Variants in ALK observed in about 807,000 individuals in gnomAD.
ALK encodes ALK receptor tyrosine kinase, also known as ALK tyrosine kinase receptor.
Under a neutral mutation model 163.1 loss-of-function variants are expected in ALK, and 74 were observed. The observed-to-expected ratio is 0.45, with a 90% confidence interval of 0.38 to 0.55. ALK has a LOEUF of 0.55. ALK is among the 20% of genes least tolerant of loss of function. ALK has a pLI of 0.00. For missense variants in ALK, 2,063 were observed against 2,105.3 expected, an observed-to-expected ratio of 0.98 and a Z score of 0.39; for synonymous variants, 960 against 843.2, an observed-to-expected ratio of 1.14 and a Z score of -2.40.
At chr2:29,556,398 T>G (rs1425750404) in intron 3 of ALK, among the ~76,000 whole-genome samples, 1 of 152,228 alleles carries the variant, frequency 6.6e-6, no homozygotes, top group Non-Finnish European at 1.5e-5. Context: ...AACTGTTCAC[T>G]CCTGTTATTA....
intron 3 of ALK, among the ~76,000 whole-genome samples, chr2:29,610,305 C>G (rs890365211): frequency 4.6e-5 from 7 of 152,084 alleles, no homozygotes; most frequent in African/African-American, 1.7e-4. Context: ...CAAATGATTC[C>G]CGGCTGCTTG....
intron 11 of ALK, among the ~76,000 whole-genome samples, chr2:29,262,022 G>T (rs1038283150): frequency 1.3e-5 from 2 of 152,190 alleles, no homozygotes; most frequent in African/African-American, 4.8e-5. Context: ...GAATGAACAG[G>T]GTTGAGAATG....
chr2:29,774,246 C>T (rs1163707255), intron 1 of ALK, among the ~76,000 whole-genome samples: 1 of 152,218 alleles, frequency 6.6e-6, no homozygotes, highest in Non-Finnish European at 1.5e-5. Context: ...ACATTTCTGA[C>T]TGACAGGAAC....
At position 29,674,343 on chromosome 2, in the gene ALK, C is replaced by T. The variant is rs919360293; in HGVS notation, c.952+20507G>A. On this transcript the variant is annotated intron_variant, in intron 3 of 28. Transcript: ENST00000389048. Reference sequence around the variant, plus strand: ...AGATAGCTCTTATTATTTTGAAATACGTCCCATCAATACCTAATTTATTGG... The same window carrying T: ...AGATAGCTCTTATTATTTTGAAATATGTCCCATCAATACCTAATTTATTGG... Among the ~76,000 whole-genome samples, 235 of 151,690 alleles carry T rather than the reference C, an allele frequency of 1.5e-3. 2 individuals are homozygous for T. The highest frequency in any genetic ancestry group is 4.2e-3 in the Admixed American group (64 of 15,234).
Position 29,791,477 on chromosome 2 carries a change from C to T in ALK, c.668-73780G>A, listed in dbSNP as rs146338269. The stretch of plus-strand genomic sequence containing the variant: ...GGGAACATCACACACCAGGGCCTGT[C>T]GAGGGGTGGTGGGTAGGGGAGAGAT... On this transcript the variant is annotated intron_variant, in intron 1 of 28. Transcript: ENST00000389048. Among the ~76,000 whole-genome samples the T allele has an allele frequency of 7.1e-3, 1,079 of 152,056 alleles. 12 individuals are homozygous for T. Among genetic ancestry groups the T allele is most frequent in the South Asian group, 0.046 (219 of 4,798 alleles).
chr2:29,791,270 C>T (rs1485331585), intron 1 of ALK, among the ~76,000 whole-genome samples: 1 of 152,074 alleles, frequency 6.6e-6, no homozygotes, highest in Admixed American at 6.5e-5. Flanking sequence ...GAAAATGTGG[C>T]ACATATACAC....
intron 1 of ALK, among the ~76,000 whole-genome samples, chr2:29,842,069 C>CT (rs1558513805): frequency 1.1e-4 from 17 of 151,814 alleles, no homozygotes; most frequent in African/African-American, 3.6e-4. Context: ...CTCCATCCTC[C>CT]CCCCTCCTTC....
intron 1 of ALK, among the ~76,000 whole-genome samples, chr2:29,719,434 G>T (rs1290012314): frequency 6.6e-6 from 1 of 152,212 alleles, no homozygotes; most frequent in African/African-American, 2.4e-5. Flanking sequence ...CATCAACTCT[G>T]TTTCGTAGAT....
intron 1 of ALK, among the ~76,000 whole-genome samples, chr2:29,882,760 T>A (rs189096883): frequency 3.3e-5 from 5 of 152,332 alleles, no homozygotes; most frequent in Admixed American, 3.3e-4. Flanking sequence ...GGGCTGTTTA[T>A]GTTTACCTAA....
At chr2:29,426,117 A>T (rs538623930) in intron 4 of ALK, among the ~76,000 whole-genome samples, 3 of 152,384 alleles carry the variant, frequency 2.0e-5, no homozygotes, top group African/African-American at 7.2e-5. Flanking sequence ...TGATGCCAGC[A>T]GAAGCAGTTG....
Position 29,251,199 on chromosome 2 carries a change from C to A in ALK, c.2110G>T (p.Ala704Ser). The A allele has an allele frequency of 6.8e-6, 11 of 1,614,136 alleles. No individual in the cohort carries two copies. Among genetic ancestry groups the A allele is most frequent in the Non-Finnish European group, 9.3e-6 (11 of 1,180,000 alleles). ...ACGCTCAGGTTGGAGTTCTGGTAGG[C>A]GTTGTTGCACTGTGCCTGGGTGGGG... The part of the protein sequence containing the change: ...HGPTQAQCNN[A>S]YQNSNLSVEV... Residue 704 changes from alanine (A) to serine (S), a missense_variant, in exon 12 of 29, where the codon GCC (alanine) becomes TCC (serine). Coordinates refer to ENST00000389048, the MANE Select transcript of ALK (RefSeq NM_004304.5).
At chr2:29,414,668 T>C (rs577045245) in intron 4 of ALK, among the ~76,000 whole-genome samples, 20 of 152,328 alleles carry the variant, frequency 1.3e-4, no homozygotes, top group Admixed American at 2.6e-4. Flanking sequence ...TTGAGCACAT[T>C]GATTGTTTGT....
At chr2:29,786,968 T>G (rs1664044902) in intron 1 of ALK, among the ~76,000 whole-genome samples, 1 of 152,180 alleles carries the variant, frequency 6.6e-6, no homozygotes, top group African/African-American at 2.4e-5. Context: ...GCTAATTTTT[T>G]GTATTTTTAG....
At chr2:29,638,589 C>T (rs1676613241) in intron 3 of ALK, among the ~76,000 whole-genome samples, 1 of 152,126 alleles carries the variant, frequency 6.6e-6, no homozygotes, top group Admixed American at 6.5e-5. Context: ...TGGCTGAATC[C>T]TTGCAAGGGT....
At chr2:29,387,116 T>G (rs1248375979) in intron 4 of ALK, among the ~76,000 whole-genome samples, 1 of 152,198 alleles carries the variant, frequency 6.6e-6, no homozygotes, top group Non-Finnish European at 1.5e-5. Flanking sequence ...TCAATCAATG[T>G]GACAGTGTGG....
intron 4 of ALK, among the ~76,000 whole-genome samples, chr2:29,408,570 A>G (rs1374388964): frequency 2.6e-5 from 4 of 152,224 alleles, no homozygotes; most frequent in African/African-American, 9.7e-5. Flanking sequence ...AGGTATATGC[A>G]TATATTATAG....
At chr2:29,444,362 C>T (rs527666960) in intron 4 of ALK, among the ~76,000 whole-genome samples, 1 of 151,654 alleles carries the variant, frequency 6.6e-6, no homozygotes, top group Admixed American at 6.5e-5. Context: ...ATGTAAAGGA[C>T]CTGCCCCGTG....
At chr2:29,546,614 A>C (rs1045015132) in intron 3 of ALK, among the ~76,000 whole-genome samples, 4 of 152,228 alleles carry the variant, frequency 2.6e-5, no homozygotes, top group Non-Finnish European at 5.9e-5. Flanking sequence ...GCACAAAGTC[A>C]GGTTTTCCCT....
At chr2:29,546,025 C>T (rs1013156782) in intron 3 of ALK, among the ~76,000 whole-genome samples, 28 of 152,048 alleles carry the variant, frequency 1.8e-4, no homozygotes, top group Admixed American at 1.7e-3. Flanking sequence ...TAGTAAAATA[C>T]GCGTATGTGT....
Sources: gnomAD v4.1 joint callset for allele counts (sites outside exome capture counted in the v4.1 genomes callset) on GRCh38, gnomAD v4.1.1 for gene constraint, MANE v1.5 for transcripts, NCBI Gene and HGNC (gene_info 2026-07-23, HGNC 2026-07-21) for gene names.